Variants in ANK2 observed in about 807,000 individuals in gnomAD.
ANK2 encodes ankyrin 2.
A neutral mutation model predicts 360.5 loss-of-function variants in ANK2; 83 were observed. The ratio of observed to expected loss-of-function variants is 0.23; its 90% CI spans 0.19 to 0.28. The LOEUF (loss-of-function observed/expected upper bound fraction) is 0.28. Ranked by LOEUF, ANK2 falls within the 10% of genes least tolerant of loss-of-function variation. ANK2 has a pLI of 1.00. For missense variants in ANK2, 4,201 were observed against 4,795.7 expected (o/e 0.88, Z 3.66); for synonymous variants, 1,740 against 1,759.5 (o/e 0.99, Z 0.28).
chr4:113,076,971 C>T (rs2080290876), intron 1 of ANK2, among the ~76,000 whole-genome samples: 1 of 150,760 alleles, frequency 6.6e-6, no homozygotes, highest in South Asian at 2.1e-4. Flanking sequence ...GTTTTCTTAG[C>T]TACTTACCAT....
chr4:113,220,533 C>G (rs1000132886), intron 4 of ANK2, among the ~76,000 whole-genome samples: 2 of 152,010 alleles, frequency 1.3e-5, no homozygotes, highest in Non-Finnish European at 2.9e-5. Flanking sequence ...TGTTTACTTT[C>G]TCTATGATTT....
At position 113,354,260 on chromosome 4, in the gene ANK2, T is replaced by A; in HGVS notation, c.5642T>A (p.Val1881Glu). The change falls in exon 38 of 46, where the codon GTA (valine) becomes GAA (glutamate). Residue 1881 changes from valine to glutamate, a missense_variant. Transcript: ENST00000357077. ...SSSKTEKHSP[V>E]SPSTKTERHS... ...AGTAAAACTGAGAAACACTCACCTG[T>A]ATCACCCTCGACAAAAACTGAAAGG... The A allele has an allele frequency of 1.9e-6, 3 of 1,614,022 alleles. No homozygotes were observed. The highest frequency in any genetic ancestry group is 2.5e-6 in the Non-Finnish European group (3 of 1,179,980).
At chr4:112,867,572 C>T (rs2071146779) in intron 1 of ANK2, among the ~76,000 whole-genome samples, 1 of 152,154 alleles carries the variant, frequency 6.6e-6, no homozygotes, top group African/African-American at 2.4e-5. Context: ...CCTACTCCCT[C>T]ATCCCTGGCA....
At chr4:112,969,434 C>A (rs2038614636) in intron 2 of ANK2, among the ~76,000 whole-genome samples, 1 of 152,192 alleles carries the variant, frequency 6.6e-6, no homozygotes, top group Non-Finnish European at 1.5e-5. Flanking sequence ...GCCTTCCTCT[C>A]TGATTTATGC....
chr4:112,727,388 TAAAC>T, the ANK2 span, among the ~76,000 whole-genome samples: 5 of 151,944 alleles, frequency 3.3e-5, no homozygotes, highest in African/African-American at 1.2e-4. Flanking sequence ...AATTACAAAT[TAAAC>T]AACCTAATAT....
the ANK2 span, among the ~76,000 whole-genome samples, chr4:112,718,358 A>G: frequency 4.0e-4 from 61 of 152,342 alleles, 2 homozygotes; most frequent in South Asian, 9.7e-3. Context: ...TCTGTTGCCC[A>G]AGCTGGAGTG....
At chr4:113,273,482 A>G (rs767043526) in intron 14 of ANK2, among the ~76,000 whole-genome samples, 8 of 152,156 alleles carry the variant, frequency 5.3e-5, no homozygotes, top group Non-Finnish European at 1.0e-4. Flanking sequence ...TTTTTCTTAT[A>G]ACTTTAAGAT....
At chr4:112,960,712 CTA>C (rs1257380664) in intron 2 of ANK2, among the ~76,000 whole-genome samples, 1 of 152,054 alleles carries the variant, frequency 6.6e-6, no homozygotes, top group African/African-American at 2.4e-5. Context: ...TTAACATTAA[CTA>C]TTTTATTTTA....
intron 12 of ANK2, 46 bp downstream of exon 12, chr4:113,258,194 C>T (rs2153634492): frequency 6.3e-7 from 1 of 1,577,632 alleles, no homozygotes; most frequent in Non-Finnish European, 8.7e-7. Context: ...TTCTCTTACT[C>T]CTTCCTCCCT....
chr4:112,854,921 A>AT (rs749973625), intron 1 of ANK2, among the ~76,000 whole-genome samples: 31 of 151,986 alleles, frequency 2.0e-4, no homozygotes, highest in Non-Finnish European at 3.4e-4. Context: ...AAATCTTTGT[A>AT]TTTTTTTCTT....
the ANK2 span, among the ~76,000 whole-genome samples, chr4:112,720,931 C>A: frequency 6.6e-6 from 1 of 152,252 alleles, no homozygotes; most frequent in Admixed American, 6.5e-5. Flanking sequence ...TTTTGCCTAG[C>A]TGTTGTTTTT....
chr4:112,896,970 GA>G (rs1472480003), intron 1 of ANK2, among the ~76,000 whole-genome samples: 7 of 152,152 alleles, frequency 4.6e-5, no homozygotes, highest in African/African-American at 1.7e-4. Context: ...TATGAAAGGG[GA>G]CGATAACTCC....
At chr4:112,931,600 C>G (rs2093250514) in intron 2 of ANK2, among the ~76,000 whole-genome samples, 1 of 151,808 alleles carries the variant, frequency 6.6e-6, no homozygotes, top group African/African-American at 2.4e-5. Flanking sequence ...CCATGCCTGG[C>G]TAATGTTTTT....
intron 1 of ANK2, among the ~76,000 whole-genome samples, chr4:113,131,834 CTG>C (rs1172938182): frequency 2.0e-5 from 3 of 152,224 alleles, no homozygotes; most frequent in African/African-American, 7.2e-5. Flanking sequence ...CAGTTTTTCT[CTG>C]TGTGAAACCA....
intron 18 of ANK2, among the ~76,000 whole-genome samples, chr4:113,283,477 A>T (rs912485109): frequency 3.9e-5 from 6 of 152,148 alleles, no homozygotes; most frequent in Admixed American, 2.0e-4. Flanking sequence ...AATAAAGCAC[A>T]TCAGTCATTT....
intron 1 of ANK2, among the ~76,000 whole-genome samples, chr4:113,156,355 T>C (rs1244853298): frequency 6.8e-6 from 1 of 145,994 alleles, no homozygotes; most frequent in African/African-American, 2.6e-5. Context: ...ACGTATAGAG[T>C]ATATGTAGAA....
intron 28 of ANK2, among the ~76,000 whole-genome samples, chr4:113,332,742 A>G (rs1272649636): frequency 1.3e-5 from 2 of 152,262 alleles, no homozygotes; most frequent in African/African-American, 4.8e-5. Context: ...CATCATAGAT[A>G]TGCATGTACA....
chr4:113,356,445 G>A lies in ANK2; in HGVS notation c.7827G>A (p.Arg2609=). The change falls in exon 38 of 46, where the codon AGG becomes AGA. Residue 2609 remains arginine (R), a synonymous_variant. Coordinates refer to ENST00000357077, the MANE Select transcript of ANK2 (RefSeq NM_001148.6). ...DELEQEAKQK[R]DYKKEPKQEE... is the part of the protein sequence containing the mutation. ...TTGAACAAGAAGCAAAGCAGAAAAGGGACTACAAAAAAGAACCCAAACAAG... is the reference window on the plus strand; with the variant it reads ...TTGAACAAGAAGCAAAGCAGAAAAGAGACTACAAAAAAGAACCCAAACAAG... The A allele has an allele frequency of 6.2e-7, 1 of 1,614,020 alleles. No individual in the cohort carries two copies. Among genetic ancestry groups the A allele is most frequent in the Admixed American group, 1.7e-5 (1 of 60,008 alleles).
chr4:112,810,182 T>TTTTTG, the ANK2 span, among the ~76,000 whole-genome samples: 4 of 111,782 alleles, frequency 3.6e-5, no homozygotes, highest in African/African-American at 1.3e-4. Context: ...TTTTTTTTTT[T>TTTTTG]GTAGCAATGG....
Sources: allele counts gnomAD v4.1 joint callset (sites outside exome capture counted in the v4.1 genomes callset), GRCh38; gene constraint gnomAD v4.1.1; transcripts MANE v1.5; gene names NCBI Gene and HGNC (gene_info 2026-07-23, HGNC 2026-07-21).